The following ITIH5 variants were observed in gnomAD, a reference collection of about 807,000 sequenced individuals.
ITIH5 encodes inter-alpha-trypsin inhibitor heavy chain H5.
A neutral mutation model predicts 77.5 loss-of-function variants in ITIH5; 65 were observed. The ratio of observed to expected loss-of-function variants is 0.84; its 90% CI spans 0.69 to 1.03. The LOEUF (loss-of-function observed/expected upper bound fraction) is 1.03, where lower values mean the gene tolerates loss of function less well. Ranked by LOEUF, ITIH5 falls within the 50% of genes least tolerant of loss-of-function variation. The probability of loss-of-function intolerance (pLI) is 0.00; values close to 1 mark genes in which losing one functional copy is unlikely to be tolerated. For missense variants in ITIH5, 1,208 were observed against 1,213.1 expected (o/e 1.00, Z 0.06); for synonymous variants, 525 against 494.3 (o/e 1.06, Z -0.82).
chr10:7,614,859 G>A (rs1274791434), intron 7 of ITIH5, among the ~76,000 whole-genome samples: 1 of 152,182 alleles, frequency 6.6e-6, no homozygotes, highest in East Asian at 1.9e-4. Context: ...TGTGAGGCAG[G>A]ACCTGGAGGT....
At chr10:7,582,122 G>A (rs4749032) in intron 8 of ITIH5, among the ~76,000 whole-genome samples, 115,987 of 151,864 alleles carry the variant, frequency 0.76, 44,440 homozygotes, top group Middle Eastern at 0.85. Context: ...TGATCTGCCC[G>A]CCTCGGCCTC....
intron 8 of ITIH5, among the ~76,000 whole-genome samples, chr10:7,581,439 G>A (rs955167970): frequency 6.6e-6 from 1 of 152,106 alleles, no homozygotes; most frequent in Non-Finnish European, 1.5e-5. Flanking sequence ...GGCATCTGTG[G>A]ACAGCAGGAG....
intron 2 of ITIH5, among the ~76,000 whole-genome samples, chr10:7,650,997 A>G (rs1354459127): frequency 7.9e-6 from 1 of 125,992 alleles, no homozygotes; most frequent in Non-Finnish European, 1.6e-5. Flanking sequence ...CATTCTATAC[A>G]CTTCCTGAAC....
intron 7 of ITIH5, among the ~76,000 whole-genome samples, chr10:7,606,762 T>C (rs2050350): frequency 0.98 from 149,958 of 152,322 alleles, 73,863 homozygotes; most frequent in Middle Eastern, 1. Flanking sequence ...ATAAATAAAA[T>C]AGGACCTCAT....
intron 7 of ITIH5, among the ~76,000 whole-genome samples, chr10:7,612,807 C>T (rs184748313): frequency 2.0e-5 from 3 of 152,284 alleles, no homozygotes; most frequent in Admixed American, 2.0e-4. Context: ...AATTATCATA[C>T]TGATCGTATG....
chr10:7,636,999 G>A (rs1032448750), intron 5 of ITIH5, among the ~76,000 whole-genome samples: 1 of 152,104 alleles, frequency 6.6e-6, no homozygotes, highest in Admixed American at 6.5e-5. Context: ...TGCAGTGAGC[G>A]GAGATCTCGC....
chr10:7,566,899 GA>G, intron 12 of ITIH5, among the ~76,000 whole-genome samples: 1 of 117,204 alleles, frequency 8.5e-6, no homozygotes, highest in Non-Finnish European at 1.8e-5. Context: ...AGAAGAAGAA[GA>G]AGAAGAAGAA....
intron 2 of ITIH5, 78 bp from the exon 3 acceptor site, chr10:7,642,168 TC>T: frequency 2.7e-6 from 3 of 1,122,864 alleles, no homozygotes; most frequent in South Asian, 1.6e-5. Context: ...TTTTTTTTTT[TC>T]CACAAGGGAA....
At chr10:7,588,087 T>C (rs1407018471) in intron 7 of ITIH5, among the ~76,000 whole-genome samples, 1 of 152,236 alleles carries the variant, frequency 6.6e-6, no homozygotes, top group Non-Finnish European at 1.5e-5. Context: ...CATCTATTTT[T>C]AAATCTGCAC....
chr10:7,651,244 A>T (rs1027069175), intron 2 of ITIH5, among the ~76,000 whole-genome samples: 3 of 151,314 alleles, frequency 2.0e-5, no homozygotes, highest in Admixed American at 6.6e-5. Context: ...TTGATATATA[A>T]ACCGACCAAT....
chr10:7,647,703 T>C (rs564349908), intron 2 of ITIH5, among the ~76,000 whole-genome samples: 24 of 152,340 alleles, frequency 1.6e-4, no homozygotes, highest in African/African-American at 5.5e-4. Context: ...TTCTGATCTT[T>C]ACACACTTTG....
At chr10:7,629,448 C>G (rs1477683699) in intron 5 of ITIH5, among the ~76,000 whole-genome samples, 1 of 149,996 alleles carries the variant, frequency 6.7e-6, no homozygotes, top group East Asian at 1.9e-4. Context: ...GGCATGCATC[C>G]ATGTTATCAT....
chr10:7,598,143 G>A (rs953789245), intron 7 of ITIH5, among the ~76,000 whole-genome samples: 3 of 152,136 alleles, frequency 2.0e-5, no homozygotes, highest in African/African-American at 2.4e-5. Context: ...ATCAATGATC[G>A]TGCAATGCCA....
chr10:7,582,474 C>T (rs1832585748), intron 8 of ITIH5, among the ~76,000 whole-genome samples: 1 of 151,674 alleles, frequency 6.6e-6, no homozygotes, highest in African/African-American at 2.4e-5. Context: ...TTTAAAATGG[C>T]TTAAGATAAA....
intron 5 of ITIH5, among the ~76,000 whole-genome samples, chr10:7,630,662 G>A (rs1292383892): frequency 1.3e-5 from 2 of 152,124 alleles, no homozygotes; most frequent in Admixed American, 6.5e-5. Flanking sequence ...TTTTAATTGG[G>A]TTGTTTATCC....
intron 5 of ITIH5, among the ~76,000 whole-genome samples, chr10:7,631,372 G>C (rs1833709543): frequency 6.6e-6 from 1 of 152,232 alleles, no homozygotes; most frequent in East Asian, 1.9e-4. Context: ...TCTCAACGTG[G>C]AGTTGGGGTT....
At chr10:7,643,439 G>A (rs1462000082) in intron 2 of ITIH5, among the ~76,000 whole-genome samples, 1 of 152,190 alleles carries the variant, frequency 6.6e-6, no homozygotes, top group Non-Finnish European at 1.5e-5. Context: ...ATGCCAGCAA[G>A]TAATGGATGT....
At chr10:7,665,962 G>C (rs931576783) in intron 1 of ITIH5, among the ~76,000 whole-genome samples, 4 of 152,182 alleles carry the variant, frequency 2.6e-5, no homozygotes, top group African/African-American at 9.7e-5. Context: ...CTTCAAAACA[G>C]GGGCTGGAAA....
Position 7,559,867 on chromosome 10 carries a change from T to G in ITIH5, c.*3216A>C, listed in dbSNP as rs535782876. ...TCTTTTTTTTGTTTTGTTTTGTTTT[T>G]TTTTGACGGAGTTTGGCTCTGTCAC... On this transcript the variant is annotated 3_prime_UTR_variant, in exon 14 of 14. Transcript: ENST00000397146. 6,787 of 452,032 alleles carry G rather than the reference T, an allele frequency of 0.015. 109 individuals carry two copies. Among genetic ancestry groups the G allele is most frequent in the African/African-American group, 0.039 (1,863 of 48,320 alleles). The allele number at this position is 452,032 out of a possible 1,614,324, so 28.0% of individuals were successfully genotyped here.
Sources: allele counts gnomAD v4.1 joint callset (sites outside exome capture counted in the v4.1 genomes callset), GRCh38; gene constraint gnomAD v4.1.1; transcripts MANE v1.5; gene names NCBI Gene and HGNC (gene_info 2026-07-23, HGNC 2026-07-21).